Variants in DGKB observed in about 807,000 individuals in gnomAD.
DGKB encodes 90 kDa diacylglycerol kinase.
A neutral mutation model predicts 114.3 loss-of-function variants in DGKB; 67 were observed. The ratio of observed to expected loss-of-function variants is 0.59; its 90% confidence interval spans 0.48 to 0.72. The LOEUF is 0.72. Among genes scored for constraint, DGKB ranks in the 30% least tolerant of loss-of-function variants. The pLI is 0.00. For synonymous variants in DGKB, 398 were observed against 323.1 expected (o/e 1.23, Z -2.49); for missense variants, 907 against 975.2 (o/e 0.93, Z 0.93).
At chr7:14,646,185 C>T (rs1480848631) in intron 13 of DGKB, among the ~76,000 whole-genome samples, 2 of 152,130 alleles carry the variant, frequency 1.3e-5, no homozygotes, top group South Asian at 2.1e-4. Flanking sequence ...AAAGATATTC[C>T]AATGCAAACT....
chr7:14,733,551 T>C (rs1219606611), intron 5 of DGKB, among the ~76,000 whole-genome samples: 2 of 151,828 alleles, frequency 1.3e-5, no homozygotes, highest in East Asian at 1.9e-4. Flanking sequence ...GCTGGGCATT[T>C]TGGCATGCTC....
intron 20 of DGKB, among the ~76,000 whole-genome samples, chr7:14,485,093 A>AC (rs1783572383): frequency 1.3e-5 from 1 of 79,748 alleles, no homozygotes; most frequent in East Asian, 4.0e-4. Flanking sequence ...AGACACACAC[A>AC]CACCACACAC....
At chr7:14,951,154 T>C (rs1052669364) in intron 1 of DGKB, among the ~76,000 whole-genome samples, 1 of 151,920 alleles carries the variant, frequency 6.6e-6, no homozygotes, top group African/African-American at 2.4e-5. Flanking sequence ...TGCTTAATAG[T>C]GATAAGACTA....
At chr7:14,470,900 A>G (rs1490807610) in intron 21 of DGKB, among the ~76,000 whole-genome samples, 2 of 151,534 alleles carry the variant, frequency 1.3e-5, no homozygotes, top group Non-Finnish European at 3.0e-5. Flanking sequence ...TGTTGAATTC[A>G]CAGAAATAAT....
chr7:14,512,700 CT>C (rs1788165868), intron 20 of DGKB, among the ~76,000 whole-genome samples: 1 of 151,984 alleles, frequency 6.6e-6, no homozygotes, highest in East Asian at 1.9e-4. Flanking sequence ...ATTTTAACAC[CT>C]TTTTTTCTCT....
At chr7:14,549,334 G>A (rs1794774295) in intron 20 of DGKB, among the ~76,000 whole-genome samples, 1 of 152,016 alleles carries the variant, frequency 6.6e-6, no homozygotes, top group Non-Finnish European at 1.5e-5. Context: ...AGTTTGCACT[G>A]GTTCTGCAAA....
intron 21 of DGKB, among the ~76,000 whole-genome samples, chr7:14,345,650 T>A (rs1160114239): frequency 6.6e-6 from 1 of 151,682 alleles, no homozygotes; most frequent in Non-Finnish European, 1.5e-5. Flanking sequence ...CATCACATTT[T>A]AAAAAACGGT....
chr7:14,619,145 T>A (rs1807134636), intron 15 of DGKB, among the ~76,000 whole-genome samples: 1 of 151,548 alleles, frequency 6.6e-6, no homozygotes, highest in Non-Finnish European at 1.5e-5. Flanking sequence ...ATACCAACTT[T>A]TTTTAATTCA....
chr7:14,961,094 A>G (rs987135298), intron 1 of DGKB, among the ~76,000 whole-genome samples: 1 of 152,144 alleles, frequency 6.6e-6, no homozygotes, highest in African/African-American at 2.4e-5. Flanking sequence ...TAATGTGTAT[A>G]CAGGAGAGCC....
rs150488196 is a variant in DGKB, at chr7:14,949,888, T to A, written c.-188+24808A>T. 5.8e-3 allele frequency among the ~76,000 whole-genome samples: 883 copies of A among 151,456 alleles called. 13 individuals are homozygous for A. The highest frequency in any genetic ancestry group is 0.021 in the African/African-American group (848 of 41,290). ...AACACTGCATGTTCTCACTCATAGG[T>A]TGGAATTGAACAATGAGAACATTTG... On this transcript the variant is annotated intron_variant, in intron 1 of 4. Coordinates refer to the DGKB transcript ENST00000437998.
chr7:14,148,454 A>G lies in DGKB; in HGVS notation c.*677T>C, dbSNP rs1270593911. Reference sequence around the variant, plus strand: ...ATATTACCACACTTGACTGTCAAGTAACATGTTTTCACTTATTTCTGGAAT... The same window carrying G: ...ATATTACCACACTTGACTGTCAAGTGACATGTTTTCACTTATTTCTGGAAT... On this transcript the variant is annotated 3_prime_UTR_variant, in exon 26 of 26. Transcript: ENST00000402815. 6.6e-6 allele frequency: 1 copy of G among 152,666 alleles called. No individual in the cohort carries two copies. Among genetic ancestry groups the G allele is most frequent in the Non-Finnish European group, 1.5e-5 (1 of 68,074 alleles). The allele number at this position is 152,666 out of a possible 1,614,324, so 9.5% of individuals were successfully genotyped here. A position where few individuals can be genotyped will look rare whatever the true frequency, so the allele number is the denominator to read the frequency against.
intron 20 of DGKB, among the ~76,000 whole-genome samples, chr7:14,534,223 T>A (rs973019872): frequency 2.0e-5 from 3 of 152,062 alleles, no homozygotes; most frequent in African/African-American, 7.2e-5. Context: ...AAAGTTGTTA[T>A]CAGCTAAAAG....
intron 21 of DGKB, among the ~76,000 whole-genome samples, chr7:14,388,562 T>C (rs1231128016): frequency 6.6e-6 from 1 of 151,550 alleles, no homozygotes; most frequent in East Asian, 1.9e-4. Flanking sequence ...TTATGTATTG[T>C]CGAAATTTTC....
chr7:14,353,102 G>A (rs1017761888), intron 21 of DGKB, among the ~76,000 whole-genome samples: 6 of 152,072 alleles, frequency 3.9e-5, no homozygotes, highest in Non-Finnish European at 7.4e-5. Flanking sequence ...ACATTTCATG[G>A]GAAGTAGCAA....
intron 21 of DGKB, among the ~76,000 whole-genome samples, chr7:14,418,297 A>G (rs1826054774): frequency 6.9e-6 from 1 of 145,282 alleles, no homozygotes; most frequent in Non-Finnish European, 1.5e-5. Flanking sequence ...GTATATATAC[A>G]TATATGTATG....
At chr7:14,912,826 A>G (rs528133955) in intron 1 of DGKB, among the ~76,000 whole-genome samples, 67 of 152,192 alleles carry the variant, frequency 4.4e-4, no homozygotes, top group Middle Eastern at 6.8e-3. Context: ...CCATACGTCT[A>G]CCTCTTACCT....
At chr7:14,429,665 G>A (rs1828125257) in intron 21 of DGKB, among the ~76,000 whole-genome samples, 1 of 152,136 alleles carries the variant, frequency 6.6e-6, no homozygotes, top group South Asian at 2.1e-4. Context: ...GTTCATGCCT[G>A]TAATCCCAGC....
At chr7:14,835,448 C>G (rs1302151564) in intron 2 of DGKB, among the ~76,000 whole-genome samples, 1 of 152,174 alleles carries the variant, frequency 6.6e-6, no homozygotes, top group African/African-American at 2.4e-5. Context: ...CCAGTTTTGT[C>G]TGACATCAAA....
chr7:14,915,497 G>T (rs1784200515), intron 1 of DGKB, among the ~76,000 whole-genome samples: 1 of 152,088 alleles, frequency 6.6e-6, no homozygotes, highest in East Asian at 1.9e-4. Flanking sequence ...ACACTAAGCA[G>T]GATATATTTC....
Sources: gnomAD v4.1 joint callset for allele counts (sites outside exome capture counted in the v4.1 genomes callset) on GRCh38, gnomAD v4.1.1 for gene constraint, MANE v1.5 for transcripts, NCBI Gene and HGNC (gene_info 2026-07-23, HGNC 2026-07-21) for gene names.